TPO: variants seen among roughly 807,000 people sequenced by gnomAD.
TPO encodes thyroid peroxidase.
A neutral mutation model predicts 96.9 loss-of-function variants in TPO; 78 were observed. That is an observed-to-expected ratio of 0.81 (90% CI 0.67 to 0.97). The LOEUF is 0.97. Ranked by LOEUF, TPO falls within the 50% of genes least tolerant of loss-of-function variation. The pLI, the probability that TPO is intolerant of heterozygous loss-of-function variation, is 0.00. For missense variants in TPO, 1,252 were observed against 1,274.8 expected (o/e 0.98, Z 0.27); for synonymous variants, 547 against 538.0 (o/e 1.02, Z -0.23).
intron 7 of TPO, among the ~76,000 whole-genome samples, chr2:1,467,174 G>A (rs1449911525): frequency 6.6e-6 from 1 of 151,982 alleles, no homozygotes; most frequent in African/African-American, 2.4e-5. Context: ...CACAATCTCG[G>A]CTGATTGCAA....
chr2:1,458,452 T>C (rs1668091969), intron 7 of TPO, among the ~76,000 whole-genome samples: 1 of 151,934 alleles, frequency 6.6e-6, no homozygotes, highest in African/African-American at 2.4e-5. Flanking sequence ...TGTGTGTATA[T>C]GGCATATAAC....
intron 5 of TPO, among the ~76,000 whole-genome samples, chr2:1,441,780 G>A (rs770514821): frequency 1.3e-5 from 2 of 152,198 alleles, no homozygotes; most frequent in Non-Finnish European, 2.9e-5. Flanking sequence ...CCCAGGGCCT[G>A]AGGATGTCCT....
chr2:1,453,262 C>T (rs1323009501), intron 5 of TPO, among the ~76,000 whole-genome samples: 3 of 152,228 alleles, frequency 2.0e-5, no homozygotes, highest in Admixed American at 6.5e-5. Flanking sequence ...AGGCGCGACA[C>T]CCTGGTGGCT....
At chr2:1,416,803 G>C (rs1663010185) in intron 2 of TPO, among the ~76,000 whole-genome samples, 4 of 152,346 alleles carry the variant, frequency 2.6e-5, no homozygotes, top group Admixed American at 2.6e-4. Flanking sequence ...ATGACTGTGT[G>C]TGGGTTTATG....
At chr2:1,387,880 G>A (rs1661927671) in intron 1 of TPO, among the ~76,000 whole-genome samples, 2 of 152,174 alleles carry the variant, frequency 1.3e-5, no homozygotes, top group African/African-American at 4.8e-5. Context: ...ACATACAGAT[G>A]GGGTTTTGGT....
At chr2:1,464,076 G>A (rs1198492074) in intron 7 of TPO, among the ~76,000 whole-genome samples, 2 of 152,072 alleles carry the variant, frequency 1.3e-5, no homozygotes, top group African/African-American at 4.8e-5. Flanking sequence ...AGTCCCCAAA[G>A]TCCACTGTGT....
intron 4 of TPO, among the ~76,000 whole-genome samples, chr2:1,434,276 T>A (rs2148493747): frequency 6.6e-6 from 1 of 152,340 alleles, no homozygotes; most frequent in South Asian, 2.1e-4. Flanking sequence ...AATTAATTTA[T>A]CAAGAATTTT....
chr2:1,499,209 C>T lies in TPO; in HGVS notation c.2386+2444C>T, dbSNP rs535631222. The stretch of plus-strand genomic sequence containing the variant: ...CCTGTGTGGAGCTGCCCCCTGTGCG[C>T]GTGCCCTCTGACCTTCCGCCTGCCC... On this transcript the variant is annotated intron_variant, in intron 13 of 16. Coordinates refer to ENST00000329066, the MANE Select transcript of TPO (RefSeq NM_001206744.2). Among the ~76,000 whole-genome samples, 286 of 152,156 alleles carry T rather than the reference C, an allele frequency of 1.9e-3. 1 individual carries two copies. In the Middle Eastern group the frequency reaches 0.034, roughly 18 times the overall value.
rs17091745 is a variant in TPO at position 1,484,823 on chromosome 2, T to A, written c.1566T>A (p.Ala522=). The A allele has an allele frequency of 6.2e-7, 1 of 1,613,986 alleles. No homozygotes were observed. Among genetic ancestry groups the A allele is most frequent in the Non-Finnish European group, 8.5e-7 (1 of 1,180,036 alleles). ...PDLPGLWLHQ[A]FFSPWTLLRG... Reference sequence around the variant, plus strand: ...TGCCCGGGCTGTGGCTGCACCAGGCTTTCTTCAGCCCATGGACATTACTCC... The same window carrying A: ...TGCCCGGGCTGTGGCTGCACCAGGCATTCTTCAGCCCATGGACATTACTCC... Residue 522 remains alanine (A), a synonymous_variant, in exon 9 of 17, where the codon GCT becomes GCA. Transcript: ENST00000329066.
intron 14 of TPO, chr2:1,512,339 C>A (rs1279249777): frequency 1.0e-6 from 1 of 959,616 alleles, no homozygotes; most frequent in African/African-American, 1.8e-5. Flanking sequence ...CCCAGTGCTA[C>A]CTCTTTGCTA....
At chr2:1,386,857 T>C (rs1037669319) in intron 1 of TPO, among the ~76,000 whole-genome samples, 2 of 152,238 alleles carry the variant, frequency 1.3e-5, no homozygotes, top group African/African-American at 4.8e-5. Flanking sequence ...TACCAGTTGT[T>C]CCTTTCCATG....
rs1678339244 is a variant in TPO, at chr2:1,531,891, TACTGTGTGCAACCTCCTCAAATCACCCCC to T, written c.2619-8679_2619-8651del. On this transcript the variant is annotated intron_variant, in intron 15 of 16. Transcript: ENST00000329066. Reference sequence around the variant, plus strand: ...TGTGTGCAACCTCCTCAAATCACCCTACTGTGTGCAACCTCCTCAAATCACCCCCACTGTGTGCAACCTCCTCAAATCCC... The same window carrying T: ...TGTGTGCAACCTCCTCAAATCACCCTACTGTGTGCAACCTCCTCAAATCCC... 1.2e-4 allele frequency among the ~76,000 whole-genome samples: 6 copies of T among 48,018 alleles called. 1 individual carries two copies. Among genetic ancestry groups the T allele is most frequent in the Admixed American group, 2.7e-4 (1 of 3,766 alleles). The allele number at this position is 48,018 out of a possible 152,430, so 31.5% of individuals were successfully genotyped here.
intron 1 of TPO, among the ~76,000 whole-genome samples, chr2:1,382,454 G>A (rs892422040): frequency 5.3e-5 from 8 of 152,188 alleles, no homozygotes; most frequent in East Asian, 1.9e-4. Context: ...ACACTCACTT[G>A]CCTCCATGAA....
intron 15 of TPO, among the ~76,000 whole-genome samples, chr2:1,530,644 C>T (rs112910540): frequency 1.1e-5 from 1 of 87,324 alleles, no homozygotes; most frequent in African/African-American, 4.7e-5. Flanking sequence ...CTCTCTGCAA[C>T]CTCCCCAAAT....
chr2:1,409,278 G>A (rs1269808179), upstream of TPO, among the ~76,000 whole-genome samples: 2 of 152,150 alleles, frequency 1.3e-5, no homozygotes, highest in Admixed American at 6.5e-5. Flanking sequence ...GTGTGAGAGA[G>A]CCCCATGTTT....
At chr2:1,481,630 T>G (rs1188592056) in intron 8 of TPO, among the ~76,000 whole-genome samples, 2 of 152,228 alleles carry the variant, frequency 1.3e-5, no homozygotes, top group Non-Finnish European at 2.9e-5. Context: ...ACTCGGCTGC[T>G]GACCTTTGCT....
intron 15 of TPO, among the ~76,000 whole-genome samples, chr2:1,531,238 A>G (rs1277512781): frequency 8.1e-6 from 1 of 122,940 alleles, no homozygotes; most frequent in Non-Finnish European, 1.7e-5. Context: ...ACTGTGTGCA[A>G]CCGCCTCATA....
At chr2:1,419,143 C>T (rs1048433443) in intron 2 of TPO, among the ~76,000 whole-genome samples, 16 of 152,104 alleles carry the variant, frequency 1.1e-4, no homozygotes, top group African/African-American at 3.1e-4. Context: ...TTGGGGGAAC[C>T]GTGCCATGCG....
At chr2:1,487,681 G>T (rs1671299138) in intron 9 of TPO, 140 bp from the exon 10 acceptor site, 1 of 1,095,788 alleles carries the variant, frequency 9.1e-7, no homozygotes, top group East Asian at 2.6e-5. Flanking sequence ...AGCTTGCAGT[G>T]AGCTGAGATC....
Sources: gnomAD v4.1 joint callset for allele counts (sites outside exome capture counted in the v4.1 genomes callset) on GRCh38, gnomAD v4.1.1 for gene constraint, MANE v1.5 for transcripts, NCBI Gene and HGNC (gene_info 2026-07-23, HGNC 2026-07-21) for gene names.